Variants in FER observed in about 807,000 individuals in gnomAD.
The protein encoded by FER is FER tyrosine kinase.
FER carries 63 observed loss-of-function variants against 111.0 expected under a neutral mutation model. The observed-to-expected ratio is 0.57, with a 90% confidence interval of 0.46 to 0.70. The LOEUF (loss-of-function observed/expected upper bound fraction) is 0.70. FER is among the 30% of genes least tolerant of loss of function. The pLI is 0.00. For synonymous variants in FER, 327 were observed against 313.9 expected, an observed-to-expected ratio of 1.04 and a Z score of -0.44; for missense variants, 914 against 954.0, an observed-to-expected ratio of 0.96 and a Z score of 0.55.
At chr5:109,030,137 A>G (rs1769392251) in intron 13 of FER, among the ~76,000 whole-genome samples, 1 of 151,940 alleles carries the variant, frequency 6.6e-6, no homozygotes, top group Non-Finnish European at 1.5e-5. Flanking sequence ...TTGCTTTGTA[A>G]TTTTTAGTTA....
At chr5:109,041,215 C>T (rs1771135144) in intron 14 of FER, among the ~76,000 whole-genome samples, 2 of 152,058 alleles carry the variant, frequency 1.3e-5, no homozygotes, top group South Asian at 4.1e-4. Flanking sequence ...TTTATAGGTG[C>T]AGAATAGGCA....
chr5:109,121,118 A>T (rs1750912603), intron 17 of FER, among the ~76,000 whole-genome samples: 2 of 151,930 alleles, frequency 1.3e-5, no homozygotes, highest in South Asian at 2.1e-4. Flanking sequence ...CTAGCTAGGA[A>T]TTCCATACTA....
At chr5:108,780,741 TC>T (rs139989922) in intron 2 of FER, among the ~76,000 whole-genome samples, 5,787 of 149,968 alleles carry the variant, frequency 0.039, 168 homozygotes, top group Middle Eastern at 0.088. Context: ...TTTCTCTCAT[TC>T]TTCTTTTGGT....
chr5:109,172,142 C>G (rs1443857333), intron 17 of FER, among the ~76,000 whole-genome samples: 1 of 151,892 alleles, frequency 6.6e-6, no homozygotes, highest in Admixed American at 6.6e-5. Flanking sequence ...GGGTATATAC[C>G]CAAAGGACTA....
At chr5:108,832,672 T>C in intron 3 of FER, 98 bp from the exon 4 acceptor site, 1 of 811,544 alleles carries the variant, frequency 1.2e-6, no homozygotes, top group South Asian at 5.4e-5. Flanking sequence ...ATGTAATAAT[T>C]TACATAAAAC....
At chr5:108,776,680 T>C (rs935256278) in intron 2 of FER, among the ~76,000 whole-genome samples, 12 of 152,210 alleles carry the variant, frequency 7.9e-5, no homozygotes, top group African/African-American at 2.9e-4. Flanking sequence ...ATTTATTTTA[T>C]GTAAATTAAA....
At chr5:108,764,761 AGTTT>A (rs1292324116) in intron 1 of FER, among the ~76,000 whole-genome samples, 1 of 152,250 alleles carries the variant, frequency 6.6e-6, no homozygotes, top group Non-Finnish European at 1.5e-5. Context: ...ATAAATATTT[AGTTT>A]ATCAGAATTG....
At chr5:108,755,557 C>T (rs191854662) in intron 1 of FER, among the ~76,000 whole-genome samples, 2 of 152,138 alleles carry the variant, frequency 1.3e-5, no homozygotes, top group Non-Finnish European at 2.9e-5. Context: ...ACAATCTCGG[C>T]TCACCGCAAC....
intron 10 of FER, among the ~76,000 whole-genome samples, chr5:108,906,968 T>C (rs1750868775): frequency 3.9e-5 from 6 of 152,094 alleles, no homozygotes; most frequent in Admixed American, 3.9e-4. Flanking sequence ...TGGTGTAGGG[T>C]GGAAAAAATT....
At chr5:109,120,070 T>C (rs559628409) in intron 17 of FER, among the ~76,000 whole-genome samples, 15 of 152,202 alleles carry the variant, frequency 9.9e-5, no homozygotes, top group Non-Finnish European at 2.1e-4. Context: ...TTCTGTATTA[T>C]CTCTTCACTT....
chr5:108,965,180 A>G (rs1759643601), intron 13 of FER, among the ~76,000 whole-genome samples: 1 of 152,176 alleles, frequency 6.6e-6, no homozygotes, highest in African/African-American at 2.4e-5. Flanking sequence ...TTTTTAGGAA[A>G]TTTATCAGGA....
chr5:108,940,475 A>T (rs1224646604), intron 10 of FER, among the ~76,000 whole-genome samples: 1 of 152,116 alleles, frequency 6.6e-6, no homozygotes, highest in African/African-American at 2.4e-5. Context: ...ACCTCATCAG[A>T]CAGCTAAGGA....
chr5:108,748,781 A>G (rs1218804850), intron 1 of FER: 1 of 152,312 alleles, frequency 6.6e-6, no homozygotes, highest in Non-Finnish European at 1.5e-5. Flanking sequence ...GCCTCCTGGG[A>G]GGTAGTGGAG....
rs1425851331 is a variant in FER, at chr5:108,959,276, G to T, written c.1585G>T (p.Asp529Tyr). ...GTTTTCAAACATTCCTCAACTTATA[G>T]ATCATCACTATACAACAAAACAGGT... ...TGFSNIPQLI[D>Y]HHYTTKQVIT... is the part of the protein sequence containing the mutation. The change falls in exon 13 of 20, where the codon GAT (aspartate) becomes TAT (tyrosine). Residue 529 changes from aspartate (D) to tyrosine (Y), a missense_variant. Around this residue, in one of 3 missense-constraint regions of FER, gnomAD observed 774 missense variants for 782.6 expected, o/e 0.99. Coordinates refer to ENST00000281092, the MANE Select transcript of FER (RefSeq NM_005246.4). 4 of 1,611,954 alleles carry T rather than the reference G, an allele frequency of 2.5e-6. No individual in the cohort carries two copies. Among genetic ancestry groups the T allele is most frequent in the Non-Finnish European group, 3.4e-6 (4 of 1,178,738 alleles).
intron 17 of FER, among the ~76,000 whole-genome samples, chr5:109,141,810 T>G (rs1222287695): frequency 1.3e-5 from 2 of 152,228 alleles, no homozygotes; most frequent in Non-Finnish European, 2.9e-5. Flanking sequence ...CAGAGAGAGA[T>G]ACTGTATATT....
intron 3 of FER, among the ~76,000 whole-genome samples, chr5:108,812,775 A>T (rs60618804): frequency 0.23 from 34,708 of 151,960 alleles, 4,141 homozygotes; most frequent in African/African-American, 0.28. Context: ...GTATACATCT[A>T]TAACTTACTA....
intron 14 of FER, among the ~76,000 whole-genome samples, chr5:109,042,421 C>A (rs1386998265): frequency 1.3e-5 from 2 of 152,144 alleles, no homozygotes. Flanking sequence ...TTGAATGATA[C>A]AGAGTGATGA....
At chr5:108,876,113 T>A (rs968337443) in intron 8 of FER, among the ~76,000 whole-genome samples, 3 of 152,194 alleles carry the variant, frequency 2.0e-5, no homozygotes, top group Admixed American at 6.5e-5. Context: ...TTGTAGGGCA[T>A]GAGTCAGCAA....
At chr5:109,121,172 A>C (rs953144878) in intron 17 of FER, among the ~76,000 whole-genome samples, 2 of 152,086 alleles carry the variant, frequency 1.3e-5, no homozygotes, top group Non-Finnish European at 2.9e-5. Flanking sequence ...GTCATGTTCT[A>C]GATCTTAGAG....
Sources: allele counts gnomAD v4.1 joint callset (sites outside exome capture counted in the v4.1 genomes callset), GRCh38; gene constraint gnomAD v4.1.1; regional missense constraint gnomAD v4.1.1; transcripts MANE v1.5; gene names NCBI Gene and HGNC (gene_info 2026-07-23, HGNC 2026-07-21).